CSMD2: variants seen among roughly 807,000 people sequenced by gnomAD.
CSMD2 encodes the protein CUB and Sushi multiple domains 2, also known as CUB and sushi domain-containing protein 2.
In CSMD2, 130 loss-of-function variants were observed where a neutral mutation model predicts 398.5. The observed-to-expected ratio is 0.33, with a 90% CI of 0.28 to 0.38. CSMD2 has a LOEUF of 0.38. Among genes scored for constraint, CSMD2 ranks in the 10% least tolerant of loss-of-function variants. The pLI, the probability that CSMD2 is intolerant of heterozygous loss-of-function variation, is 1.00. For missense variants in CSMD2, 3,829 were observed against 4,764.9 expected, an observed-to-expected ratio of 0.80 and a Z score of 5.78; for synonymous variants, 1,828 against 1,908.5, an observed-to-expected ratio of 0.96 and a Z score of 1.10.
chr1:33,836,950 T>G (rs1338042749), intron 6 of CSMD2, among the ~76,000 whole-genome samples: 2 of 152,206 alleles, frequency 1.3e-5, no homozygotes, highest in African/African-American at 4.8e-5. Context: ...ATCTTCTGCG[T>G]CGCTCACGCT....
intron 15 of CSMD2, among the ~76,000 whole-genome samples, chr1:33,734,704 G>A (rs1181897823): frequency 6.6e-6 from 1 of 151,210 alleles, no homozygotes; most frequent in Non-Finnish European, 1.5e-5. Context: ...AGAATCGCTT[G>A]AACTTGGGAG....
chr1:34,138,480 A>G (rs1638969969), intron 1 of CSMD2, among the ~76,000 whole-genome samples: 1 of 152,218 alleles, frequency 6.6e-6, no homozygotes, highest in Non-Finnish European at 1.5e-5. Flanking sequence ...GAGTAACCAT[A>G]TCTACAGGAC....
At chr1:34,109,387 A>G (rs141154933) in intron 1 of CSMD2, among the ~76,000 whole-genome samples, 1 of 152,308 alleles carries the variant, frequency 6.6e-6, no homozygotes, top group East Asian at 1.9e-4. Context: ...TGGGGTCAGT[A>G]TGGCCCTGGC....
At chr1:33,655,194 G>A (rs1288832119) in intron 27 of CSMD2, among the ~76,000 whole-genome samples, 2 of 152,216 alleles carry the variant, frequency 1.3e-5, no homozygotes, top group African/African-American at 4.8e-5. Flanking sequence ...CTGAGGGTGA[G>A]AGTTGTGGAA....
chr1:34,079,553 C>A (rs1181591905), intron 2 of CSMD2, among the ~76,000 whole-genome samples: 2 of 152,020 alleles, frequency 1.3e-5, no homozygotes, highest in African/African-American at 4.8e-5. Flanking sequence ...CTTGCCTGAC[C>A]CCCTAAATTC....
chr1:33,880,953 G>A (rs1171236235), intron 5 of CSMD2, among the ~76,000 whole-genome samples: 1 of 152,094 alleles, frequency 6.6e-6, no homozygotes, highest in East Asian at 1.9e-4. Flanking sequence ...TTACTGTATT[G>A]TTATTTTTGG....
chr1:33,847,526 C>T (rs1638355568), intron 5 of CSMD2, among the ~76,000 whole-genome samples: 1 of 151,820 alleles, frequency 6.6e-6, no homozygotes, highest in Non-Finnish European at 1.5e-5. Flanking sequence ...TAATACCAGC[C>T]CTAAGAGTTT....
At chr1:33,619,146 C>A (rs1641591958) in intron 37 of CSMD2, among the ~76,000 whole-genome samples, 1 of 152,186 alleles carries the variant, frequency 6.6e-6, no homozygotes, top group African/African-American at 2.4e-5. Flanking sequence ...GGGGCAAGGG[C>A]CAGAAGACTC....
rs543736108 is a variant in CSMD2, at chr1:33,750,196, A to C, written c.1847-6590T>G. On this transcript the variant is annotated intron_variant, in intron 13 of 70. Coordinates refer to ENST00000373381, the MANE Select transcript of CSMD2 (RefSeq NM_001281956.2). ...TCCTAAATCATGGTACAAATTTAAC[A>C]CAATTCCAGGCCAGATCTTTTTTTT... Among the ~76,000 whole-genome samples, 4 of 152,306 alleles carry C rather than the reference A, an allele frequency of 2.6e-5. No homozygotes were observed. The East Asian group carries it at 7.7e-4, about 29-fold the overall frequency.
intron 1 of CSMD2, among the ~76,000 whole-genome samples, chr1:34,092,367 T>A (rs1480262749): frequency 6.6e-6 from 1 of 152,150 alleles, no homozygotes; most frequent in African/African-American, 2.4e-5. Flanking sequence ...AAATGATACC[T>A]AAGTTTAACT....
At chr1:33,658,171 G>A (rs774763705) in intron 26 of CSMD2, 34 bp from the exon 27 acceptor site, 22 of 1,583,772 alleles carry the variant, frequency 1.4e-5, no homozygotes, top group Admixed American at 1.0e-4. Context: ...GGGTAAGGTC[G>A]CCTGGGTGTC....
intron 9 of CSMD2, among the ~76,000 whole-genome samples, chr1:33,818,886 G>A (rs1657776783): frequency 6.6e-6 from 1 of 152,176 alleles, no homozygotes; most frequent in Non-Finnish European, 1.5e-5. Flanking sequence ...TGATGCATAT[G>A]CCAAAGAGAG....
intron 57 of CSMD2, among the ~76,000 whole-genome samples, chr1:33,544,136 T>C (rs1373099296): frequency 7.2e-6 from 1 of 138,636 alleles, no homozygotes; most frequent in African/African-American, 2.7e-5. Context: ...AGACGGAGTC[T>C]CGCTCTTTCG....
chr1:33,882,760 G>C (rs571246491), intron 5 of CSMD2, among the ~76,000 whole-genome samples: 33 of 152,284 alleles, frequency 2.2e-4, no homozygotes, highest in African/African-American at 7.9e-4. Flanking sequence ...AGGATCCATA[G>C]TTTTCTCAAT....
chr1:33,726,814 T>G (rs1447652680), intron 15 of CSMD2, 129 bp from the exon 16 acceptor site: 1 of 1,044,272 alleles, frequency 9.6e-7, no homozygotes, highest in African/African-American at 1.6e-5. Flanking sequence ...ACATAAACTA[T>G]AAACTGTGAG....
chr1:34,066,679 G>C (rs75248731), intron 2 of CSMD2, among the ~76,000 whole-genome samples: 2,069 of 152,198 alleles, frequency 0.014, 47 homozygotes, highest in African/African-American at 0.047. Context: ...GGGAGGCAGG[G>C]GTCTGGCGGG....
At chr1:33,769,681 T>C (rs1226606296) in intron 13 of CSMD2, among the ~76,000 whole-genome samples, 2 of 152,132 alleles carry the variant, frequency 1.3e-5, no homozygotes, top group South Asian at 2.1e-4. Flanking sequence ...GGTAATTCCC[T>C]AGTAAAGAGT....
At chr1:33,913,550 T>C (rs557907398) in intron 5 of CSMD2, among the ~76,000 whole-genome samples, 2 of 152,296 alleles carry the variant, frequency 1.3e-5, no homozygotes, top group South Asian at 4.1e-4. Context: ...TTTCACCCTC[T>C]CAAAGTGTTT....
At chr1:33,897,221 G>A (rs1280925496) in intron 5 of CSMD2, among the ~76,000 whole-genome samples, 1 of 152,128 alleles carries the variant, frequency 6.6e-6, no homozygotes, top group African/African-American at 2.4e-5. Context: ...TCCTGCTGGA[G>A]CCAGGTGCTG....
Sources: allele counts gnomAD v4.1 joint callset (sites outside exome capture counted in the v4.1 genomes callset), GRCh38; gene constraint gnomAD v4.1.1; transcripts MANE v1.5; gene names NCBI Gene and HGNC (gene_info 2026-07-23, HGNC 2026-07-21).